Variants in MYO16 observed in about 807,000 individuals in gnomAD.
MYO16 encodes unconventional myosin-XVI.
MYO16 carries 94 observed loss-of-function variants against 205.3 expected under a neutral mutation model. The observed-to-expected ratio is 0.46, with a 90% CI of 0.39 to 0.54. MYO16 has a LOEUF of 0.54. Ranked by LOEUF, MYO16 falls within the 20% of genes least tolerant of loss-of-function variation. The pLI is 0.00. For missense variants in MYO16, 2,315 were observed against 2,387.5 expected, an observed-to-expected ratio of 0.97 and a Z score of 0.63; for synonymous variants, 988 against 954.0, an observed-to-expected ratio of 1.04 and a Z score of -0.66.
At chr13:108,737,867 G>T (rs965455494) in intron 4 of MYO16, among the ~76,000 whole-genome samples, 6 of 152,190 alleles carry the variant, frequency 3.9e-5, no homozygotes, top group African/African-American at 1.4e-4. Context: ...AGTTTTGGGA[G>T]AGTGTATGTG....
At chr13:108,931,175 G>A (rs1207878621) in intron 16 of MYO16, among the ~76,000 whole-genome samples, 1 of 152,134 alleles carries the variant, frequency 6.6e-6, no homozygotes, top group Non-Finnish European at 1.5e-5. Flanking sequence ...CATATTTAAA[G>A]TTTTTATGAT....
chr13:108,960,544 C>G (rs530785284), intron 17 of MYO16, among the ~76,000 whole-genome samples: 1 of 152,180 alleles, frequency 6.6e-6, no homozygotes, highest in Non-Finnish European at 1.5e-5. Flanking sequence ...GGGAAAATCA[C>G]GGAAGTCTCA....
intron 16 of MYO16, among the ~76,000 whole-genome samples, chr13:108,922,885 A>G (rs932438580): frequency 3.3e-5 from 5 of 152,192 alleles, no homozygotes; most frequent in African/African-American, 1.2e-4. Flanking sequence ...GAGGGAGACT[A>G]TACGAAAACC....
At chr13:108,962,094 C>G (rs1012030303) in intron 18 of MYO16, among the ~76,000 whole-genome samples, 3 of 152,158 alleles carry the variant, frequency 2.0e-5, no homozygotes, top group Non-Finnish European at 4.4e-5. Flanking sequence ...CTTAAAACCA[C>G]AGATTGTCAG....
intron 7 of MYO16, among the ~76,000 whole-genome samples, chr13:108,818,250 G>T (rs898705361): frequency 6.6e-6 from 1 of 151,830 alleles, no homozygotes; most frequent in African/African-American, 2.4e-5. Flanking sequence ...TAGGTGCGGT[G>T]GTGCATGCCG....
At chr13:108,645,957 G>A (rs984827035) in intron 1 of MYO16, among the ~76,000 whole-genome samples, 1 of 152,138 alleles carries the variant, frequency 6.6e-6, no homozygotes, top group Non-Finnish European at 1.5e-5. Context: ...GGGGACTCAA[G>A]AGCCAGGTGG....
chr13:108,624,252 A>G (rs931982839), intron 1 of MYO16, among the ~76,000 whole-genome samples: 2 of 152,208 alleles, frequency 1.3e-5, no homozygotes, highest in African/African-American at 4.8e-5. Context: ...CAAACATTTC[A>G]GCCTGGTGTC....
chr13:108,614,393 C>T (rs1201712021), intron 1 of MYO16, among the ~76,000 whole-genome samples: 1 of 152,044 alleles, frequency 6.6e-6, no homozygotes, highest in Non-Finnish European at 1.5e-5. Context: ...GATGGCAATG[C>T]TCCCCCAAAG....
intron 4 of MYO16, among the ~76,000 whole-genome samples, chr13:108,730,955 C>T (rs1036403187): frequency 6.6e-6 from 1 of 152,166 alleles, no homozygotes; most frequent in Non-Finnish European, 1.5e-5. Context: ...TATTTCATCC[C>T]ATTACGAATA....
At chr13:109,093,972 ACCCCAT>A (rs1690840140) in intron 27 of MYO16, among the ~76,000 whole-genome samples, 1 of 151,866 alleles carries the variant, frequency 6.6e-6, no homozygotes, top group Admixed American at 6.6e-5. Flanking sequence ...TCTGAGCCTT[ACCCCAT>A]TGCACTAACC....
chr13:108,570,864 G>C, the MYO16 span, among the ~76,000 whole-genome samples: 6 of 152,206 alleles, frequency 3.9e-5, no homozygotes, highest in Non-Finnish European at 5.9e-5. Context: ...GTTCTGTAGA[G>C]AGATTAATGC....
chr13:108,692,609 G>A (rs1882941265), intron 2 of MYO16, among the ~76,000 whole-genome samples: 1 of 152,102 alleles, frequency 6.6e-6, no homozygotes, highest in Non-Finnish European at 1.5e-5. Context: ...ATGTCCTAAG[G>A]GCCAGCATTT....
chr13:108,965,865 C>T (rs1397183395), intron 20 of MYO16, among the ~76,000 whole-genome samples: 3 of 152,208 alleles, frequency 2.0e-5, no homozygotes, highest in African/African-American at 7.2e-5. Context: ...CAAGTCTTCA[C>T]GTACTTGTCT....
chr13:108,580,567 C>G, the MYO16 span, among the ~76,000 whole-genome samples: 1 of 152,120 alleles, frequency 6.6e-6, no homozygotes, highest in African/African-American at 2.4e-5. Context: ...ACGTTTGTTC[C>G]TAGTAACAAC....
intron 4 of MYO16, among the ~76,000 whole-genome samples, chr13:108,740,001 AC>A (rs957691175): frequency 1.8e-4 from 27 of 151,966 alleles, no homozygotes; most frequent in Non-Finnish European, 3.5e-4. Context: ...TCATTTAAGG[AC>A]TTCTGTACAC....
chr13:109,031,864 AC>A (rs1365814520), intron 23 of MYO16, among the ~76,000 whole-genome samples: 1 of 152,178 alleles, frequency 6.6e-6, no homozygotes, highest in Non-Finnish European at 1.5e-5. Context: ...CAATTCAGTA[AC>A]TAAGAACTGT....
At chr13:108,499,342 ACT>A in the MYO16 span, among the ~76,000 whole-genome samples, 1 of 152,186 alleles carries the variant, frequency 6.6e-6, no homozygotes, top group Admixed American at 6.5e-5. Context: ...TGGGATGCTA[ACT>A]CTAGATTTTC....
intron 23 of MYO16, among the ~76,000 whole-genome samples, chr13:109,024,743 A>C (rs1311423859): frequency 6.6e-6 from 1 of 152,084 alleles, no homozygotes; most frequent in African/African-American, 2.4e-5. Context: ...AAAATCTTTT[A>C]TTGTACTGAG....
the MYO16 span, among the ~76,000 whole-genome samples, chr13:108,502,910 C>A: frequency 6.6e-6 from 1 of 151,982 alleles, no homozygotes; most frequent in East Asian, 1.9e-4. Context: ...TATGCAAGAG[C>A]AAGACAAATG....
Sources: gnomAD v4.1 joint callset for allele counts (sites outside exome capture counted in the v4.1 genomes callset) on GRCh38, gnomAD v4.1.1 for gene constraint, MANE v1.5 for transcripts, NCBI Gene and HGNC (gene_info 2026-07-23, HGNC 2026-07-21) for gene names.